The following CGNL1 variants were observed in gnomAD, a reference collection of about 807,000 sequenced individuals.
The protein encoded by CGNL1 is cingulin like 1.
Under a neutral mutation model 141.2 loss-of-function variants are expected in CGNL1, and 132 were observed. That is an observed-to-expected ratio of 0.93 (90% CI 0.81 to 1.08). The LOEUF (loss-of-function observed/expected upper bound fraction) is 1.08, where lower values mean the gene tolerates loss of function less well. Ranked by LOEUF, CGNL1 falls within the 50% of genes least tolerant of loss-of-function variation. The pLI is 0.00. For missense variants in CGNL1, 1,870 were observed against 1,588.6 expected, an observed-to-expected ratio of 1.18 and a Z score of -3.01; for synonymous variants, 690 against 622.1, an observed-to-expected ratio of 1.11 and a Z score of -1.63.
intron 1 of CGNL1, among the ~76,000 whole-genome samples, chr15:57,419,333 C>T (rs2062887726): frequency 6.6e-6 from 1 of 152,152 alleles, no homozygotes; most frequent in Admixed American, 6.5e-5. Flanking sequence ...CCAATTTCCC[C>T]TATTATCAAT....
chr15:57,424,881 C>G (rs887656555), intron 1 of CGNL1, among the ~76,000 whole-genome samples: 1 of 152,192 alleles, frequency 6.6e-6, no homozygotes, highest in Non-Finnish European at 1.5e-5. Context: ...GATACAGTTT[C>G]AGCAAAATGA....
Position 57,545,458 on chromosome 15 carries a change from T to C in CGNL1, c.3501-134T>C, listed in dbSNP as rs2032804251. 5 of 661,812 alleles carry C rather than the reference T, an allele frequency of 7.6e-6. No homozygotes were observed. The Admixed American group carries it at 8.4e-5, about 11-fold the overall frequency. The allele number at this position is 661,812 out of a possible 1,614,324, so 41.0% of individuals were successfully genotyped here. ...ACAAGCAGCTTTTTCTGCTGTGAAG[T>C]TGTGTTTCCCTGACCCTAAGCCTTG... On this transcript the variant is annotated intron_variant, in intron 16 of 18. Coordinates refer to ENST00000281282, the MANE Select transcript of CGNL1 (RefSeq NM_032866.5).
At chr15:57,539,114 T>C (rs1257774340) in intron 14 of CGNL1, among the ~76,000 whole-genome samples, 1 of 152,146 alleles carries the variant, frequency 6.6e-6, no homozygotes, top group African/African-American at 2.4e-5. Context: ...TGCAGAGCGA[T>C]GCCTGCCTCT....
At chr15:57,544,724 C>T (rs537417703) in intron 16 of CGNL1, 127 bp downstream of exon 16, 1 of 1,108,896 alleles carries the variant, frequency 9.0e-7, no homozygotes, top group East Asian at 2.6e-5. Flanking sequence ...AGCAACTACA[C>T]CCTTACTTTT....
intron 1 of CGNL1, among the ~76,000 whole-genome samples, chr15:57,378,134 G>A (rs1476255297): frequency 6.6e-6 from 1 of 152,084 alleles, no homozygotes; most frequent in Non-Finnish European, 1.5e-5. Flanking sequence ...TAGAGAAGTA[G>A]GACTAAGGAA....
intron 8 of CGNL1, among the ~76,000 whole-genome samples, chr15:57,486,214 A>C (rs1376645541): frequency 2.0e-5 from 3 of 152,200 alleles, no homozygotes; most frequent in Non-Finnish European, 4.4e-5. Flanking sequence ...AGATGTGGTC[A>C]AGGAATTTGG....
chr15:57,420,931 C>G (rs28576065), intron 1 of CGNL1, among the ~76,000 whole-genome samples: 1 of 152,018 alleles, frequency 6.6e-6, no homozygotes, highest in African/African-American at 2.4e-5. Context: ...TTATTCCCAT[C>G]CATTTGCTAT....
chr15:57,521,220 T>C (rs117854029), intron 10 of CGNL1, among the ~76,000 whole-genome samples: 5 of 152,314 alleles, frequency 3.3e-5, no homozygotes, highest in Middle Eastern at 3.4e-3. Flanking sequence ...CAGTGACCTA[T>C]TGGAACATAT....
chr15:57,487,221 C>G (rs946207488), intron 8 of CGNL1, among the ~76,000 whole-genome samples: 4 of 152,166 alleles, frequency 2.6e-5, no homozygotes, highest in African/African-American at 9.7e-5. Context: ...AACAAGAGTA[C>G]TTCTCCTTGG....
chr15:57,463,747 C>T (rs374947920), intron 8 of CGNL1, among the ~76,000 whole-genome samples: 1 of 152,226 alleles, frequency 6.6e-6, no homozygotes, highest in African/African-American at 2.4e-5. Flanking sequence ...CCTTCTCTGC[C>T]TAACCCATCT....
intron 14 of CGNL1, among the ~76,000 whole-genome samples, chr15:57,532,887 T>C (rs1197239991): frequency 1.3e-5 from 2 of 152,170 alleles, no homozygotes; most frequent in Non-Finnish European, 2.9e-5. Context: ...CTTTCTGCCT[T>C]ATGTTTTTGT....
chr15:57,406,740 G>A (rs1198852234), intron 1 of CGNL1, among the ~76,000 whole-genome samples: 2 of 152,198 alleles, frequency 1.3e-5, no homozygotes, highest in Non-Finnish European at 2.9e-5. Context: ...ACTTACATAA[G>A]TACTGTGCAA....
intron 8 of CGNL1, among the ~76,000 whole-genome samples, chr15:57,464,244 C>T (rs2063481762): frequency 6.6e-6 from 1 of 152,124 alleles, no homozygotes; most frequent in Non-Finnish European, 1.5e-5. Context: ...AGTGGCTTCT[C>T]TGCTCCAGCT....
Position 57,547,466 on chromosome 15 carries a change from C to G in CGNL1, c.3885C>G (p.Asp1295Glu). ...EAPVSYTFSKDSTVASQI is the reference protein window; with the variant it reads ...EAPVSYTFSKESTVASQI ...CTGTGAGCTACACATTCTCCAAGGA[C>G]AGCACCGTCGCCAGCCAGATCTGAG... Residue 1295 changes from aspartate to glutamate, a missense_variant, in exon 19 of 19, where the codon GAC becomes GAG. Physicochemically the swap from Asp to Glu is conservative, Grantham distance 45 (BLOSUM62 2). Transcript: ENST00000281282. The G allele has an allele frequency of 6.2e-7, 1 of 1,614,138 alleles. No individual in the cohort carries two copies. The highest frequency in any genetic ancestry group is 8.5e-7 in the Non-Finnish European group (1 of 1,179,992).
At position 57,493,507 on chromosome 15, in the gene CGNL1, A is replaced by G. The variant is rs531001614; in HGVS notation, c.2404-23273A>G. Among the ~76,000 whole-genome samples the G allele has an allele frequency of 3.9e-4, 59 of 152,346 alleles. 1 individual carries two copies. The highest frequency in any genetic ancestry group is 2.7e-3 in the South Asian group (13 of 4,830). On this transcript the variant is annotated intron_variant, in intron 8 of 18. Coordinates refer to ENST00000281282, the MANE Select transcript of CGNL1 (RefSeq NM_032866.5). ...CAATATGGCAGAACCAAGATTCACA[A>G]TGATCTCAATGGTCAGAAACAAGGG...
intron 8 of CGNL1, among the ~76,000 whole-genome samples, chr15:57,503,857 C>T (rs1595773422): frequency 6.6e-6 from 1 of 152,122 alleles, no homozygotes; most frequent in South Asian, 2.1e-4. Context: ...GACTGGCCCC[C>T]ATGATTCAAT....
At chr15:57,455,483 CT>C (rs1428133196) in intron 7 of CGNL1, among the ~76,000 whole-genome samples, 3 of 152,180 alleles carry the variant, frequency 2.0e-5, no homozygotes, top group African/African-American at 4.8e-5. Flanking sequence ...GAGTTGCCCC[CT>C]GATATCCCCT....
At chr15:57,518,897 T>C (rs1394822153) in intron 10 of CGNL1, among the ~76,000 whole-genome samples, 1 of 152,196 alleles carries the variant, frequency 6.6e-6, no homozygotes, top group African/African-American at 2.4e-5. Context: ...AGATAAAATA[T>C]GAGTGGTGTG....
intron 4 of CGNL1, among the ~76,000 whole-genome samples, chr15:57,448,619 G>T (rs111479421): frequency 9.3e-4 from 141 of 152,048 alleles, no homozygotes; most frequent in Middle Eastern, 3.4e-3. Context: ...ATGCACTCCA[G>T]CCTGGATGAC....
Sources: allele counts gnomAD v4.1 joint callset (sites outside exome capture counted in the v4.1 genomes callset), GRCh38; gene constraint gnomAD v4.1.1; transcripts MANE v1.5; gene names NCBI Gene and HGNC (gene_info 2026-07-23, HGNC 2026-07-21).